Variants in CSMD1 observed in about 807,000 individuals in gnomAD.
CSMD1 encodes CUB and sushi domain-containing protein 1.
Under a neutral mutation model 417.5 loss-of-function variants are expected in CSMD1, and 213 were observed. The observed-to-expected ratio is 0.51, with a 90% CI of 0.46 to 0.57. CSMD1 has a LOEUF of 0.57. Among genes scored for constraint, CSMD1 ranks in the 20% least tolerant of loss-of-function variants. The pLI, the probability that CSMD1 is intolerant of heterozygous loss-of-function variation, is 0.00. For missense variants in CSMD1, 6,923 were observed against 4,529.7 expected, an observed-to-expected ratio of 1.53 and a Z score of -15.17; for synonymous variants, 2,862 against 1,736.8, an observed-to-expected ratio of 1.65 and a Z score of -16.11.
At chr8:4,532,585 G>C (rs1667141176) in intron 2 of CSMD1, among the ~76,000 whole-genome samples, 1 of 132,044 alleles carries the variant, frequency 7.6e-6, no homozygotes, top group South Asian at 2.5e-4. Context: ...CCCCCATTCA[G>C]TCACTCTGGA....
chr8:3,447,275 T>C lies in CSMD1; in HGVS notation c.1561+21437A>G, dbSNP rs564163887. The stretch of plus-strand genomic sequence containing the variant: ...CAGCACACTTTTTTATGACACAATT[T>C]CAATAGAATTAAATATTTTAATGAA... On this transcript the variant is annotated intron_variant, in intron 12 of 69. Transcript: ENST00000635120. Among the ~76,000 whole-genome samples the C allele has an allele frequency of 2.1e-4, 32 of 152,174 alleles. 1 individual carries two copies. In the South Asian group the frequency reaches 6.0e-3, roughly 29 times the overall value.
intron 3 of CSMD1, among the ~76,000 whole-genome samples, chr8:4,413,535 G>A (rs541486333): frequency 6.6e-6 from 1 of 152,076 alleles, no homozygotes; most frequent in African/African-American, 2.4e-5. Context: ...TAGTGTTCAT[G>A]TACTGACAGC....
intron 3 of CSMD1, among the ~76,000 whole-genome samples, chr8:4,418,512 A>C (rs1353330183): frequency 6.6e-6 from 1 of 152,148 alleles, no homozygotes; most frequent in Non-Finnish European, 1.5e-5. Flanking sequence ...CAACTTCATC[A>C]GGAGGGGAGA....
chr8:3,263,863 C>T (rs916072416), intron 26 of CSMD1, among the ~76,000 whole-genome samples: 3 of 152,150 alleles, frequency 2.0e-5, no homozygotes, highest in African/African-American at 7.2e-5. Context: ...AAGTATGTCT[C>T]TTCTTTGATG....
intron 3 of CSMD1, among the ~76,000 whole-genome samples, chr8:4,176,497 T>C (rs1798047907): frequency 6.6e-6 from 1 of 152,158 alleles, no homozygotes; most frequent in South Asian, 2.1e-4. Flanking sequence ...CACTCACTAC[T>C]GGTTCTATAC....
At chr8:3,350,462 T>C (rs1808344614) in intron 21 of CSMD1, among the ~76,000 whole-genome samples, 1 of 152,140 alleles carries the variant, frequency 6.6e-6, no homozygotes, top group Non-Finnish European at 1.5e-5. Flanking sequence ...TACAGATTAA[T>C]TACTGATGTG....
At chr8:3,725,475 G>A (rs894090543) in intron 6 of CSMD1, among the ~76,000 whole-genome samples, 10 of 152,130 alleles carry the variant, frequency 6.6e-5, no homozygotes, top group African/African-American at 1.9e-4. Flanking sequence ...GAGAAATACC[G>A]GTGCTGATTT....
At chr8:4,860,132 A>G (rs963727481) in intron 1 of CSMD1, among the ~76,000 whole-genome samples, 1 of 151,666 alleles carries the variant, frequency 6.6e-6, no homozygotes, top group Admixed American at 6.6e-5. Context: ...GAAATTGGAA[A>G]TCATCATTCT....
chr8:4,304,147 A>C (rs554338358), intron 3 of CSMD1, among the ~76,000 whole-genome samples: 1 of 152,330 alleles, frequency 6.6e-6, no homozygotes, highest in East Asian at 1.9e-4. Flanking sequence ...TTTTCAAATA[A>C]AACAATTAGA....
chr8:4,808,241 G>A (rs200009405), intron 1 of CSMD1, among the ~76,000 whole-genome samples: 1 of 152,164 alleles, frequency 6.6e-6, no homozygotes, highest in Non-Finnish European at 1.5e-5. Flanking sequence ...GCTGCATTAG[G>A]AACGATGATC....
intron 1 of CSMD1, among the ~76,000 whole-genome samples, chr8:4,751,392 G>GT (rs1028172914): frequency 2.0e-5 from 2 of 100,922 alleles, no homozygotes; most frequent in Non-Finnish European, 4.2e-5. Context: ...CTCTGTCTCA[G>GT]GGGGGGTGGC....
chr8:3,524,620 C>CA (rs1487018877), intron 10 of CSMD1, among the ~76,000 whole-genome samples: 42 of 151,156 alleles, frequency 2.8e-4, no homozygotes. Flanking sequence ...TGCACATACA[C>CA]ACATGCACAC....
At position 4,316,228 on chromosome 8, in the gene CSMD1, A is replaced by C. The variant is rs572236828; in HGVS notation, c.415+103725T>G. The stretch of plus-strand genomic sequence containing the variant: ...TATTCTAAAATTTTATGATTTTCTA[A>C]TGGTCTTCCATTTGTAGTGATTTTT... On this transcript the variant is annotated intron_variant, in intron 3 of 69. Transcript: ENST00000635120. 7.2e-5 allele frequency among the ~76,000 whole-genome samples: 11 copies of C among 152,292 alleles called. No individual in the cohort carries two copies. In the East Asian group the frequency reaches 1.7e-3, roughly 24 times the overall value.
At chr8:4,406,398 C>A (rs956661434) in intron 3 of CSMD1, among the ~76,000 whole-genome samples, 8 of 152,120 alleles carry the variant, frequency 5.3e-5, no homozygotes, top group Non-Finnish European at 1.2e-4. Context: ...TCAACTTTTA[C>A]TTCCCCAACC....
At chr8:3,871,527 T>C (rs1249815113) in intron 5 of CSMD1, among the ~76,000 whole-genome samples, 1 of 152,206 alleles carries the variant, frequency 6.6e-6, no homozygotes, top group African/African-American at 2.4e-5. Context: ...TGAATAATGC[T>C]TGATTTTAAT....
intron 3 of CSMD1, among the ~76,000 whole-genome samples, chr8:4,112,552 T>C (rs1801913025): frequency 1.3e-5 from 2 of 152,156 alleles, no homozygotes; most frequent in Non-Finnish European, 2.9e-5. Flanking sequence ...CACGTCCTGC[T>C]TTCTCTGTTC....
intron 5 of CSMD1, among the ~76,000 whole-genome samples, chr8:3,892,677 T>C (rs997981199): frequency 2.0e-5 from 3 of 150,884 alleles, no homozygotes; most frequent in Middle Eastern, 7.0e-3. Flanking sequence ...GGGTTCAAGG[T>C]GAATTAAGTA....
chr8:4,866,743 A>G (rs1484899814), intron 1 of CSMD1, among the ~76,000 whole-genome samples: 1 of 152,044 alleles, frequency 6.6e-6, no homozygotes, highest in Non-Finnish European at 1.5e-5. Context: ...TCGATCGTTC[A>G]AACTCATTTT....
rs542189872 is a variant in CSMD1 at position 4,943,938 on chromosome 8, G to C, written c.85+50394C>G. Among the ~76,000 whole-genome samples, 286 of 152,274 alleles carry C rather than the reference G, an allele frequency of 1.9e-3. 1 individual carries two copies. Among genetic ancestry groups the C allele is most frequent in the South Asian group, 3.3e-3 (16 of 4,824 alleles). ...GAGGGCCGAGCTGGATATTGATTATGGAAAGACAGAAAATGTATTAAGGGA... is the reference window on the plus strand; with the variant it reads ...GAGGGCCGAGCTGGATATTGATTATCGAAAGACAGAAAATGTATTAAGGGA... On this transcript the variant is annotated intron_variant, in intron 1 of 69. Transcript: ENST00000635120.
Sources: gnomAD v4.1 joint callset for allele counts (sites outside exome capture counted in the v4.1 genomes callset) on GRCh38, gnomAD v4.1.1 for gene constraint, MANE v1.5 for transcripts, NCBI Gene and HGNC (gene_info 2026-07-23, HGNC 2026-07-21) for gene names.